The following MARCHF7 variants were observed in gnomAD, a reference collection of about 807,000 sequenced individuals.
MARCHF7 encodes the protein E3 ubiquitin-protein ligase MARCHF7.
Under a neutral mutation model 76.5 loss-of-function variants are expected in MARCHF7, and 20 were observed. That is an observed-to-expected ratio of 0.26 (90% confidence interval 0.18 to 0.38). The LOEUF (loss-of-function observed/expected upper bound fraction) is 0.38, where lower values mean the gene tolerates loss of function less well. MARCHF7 is among the 10% of genes least tolerant of loss of function. The probability of loss-of-function intolerance (pLI) is 1.00; values close to 1 mark genes in which losing one functional copy is unlikely to be tolerated. For missense variants in MARCHF7, 797 were observed against 812.9 expected (o/e 0.98, Z 0.24); for synonymous variants, 295 against 293.0 (o/e 1.01, Z -0.07).
Position 159,759,323 on chromosome 2 carries a change from T to C in MARCHF7, c.1881T>C (p.His627=), listed in dbSNP as rs1706717686. ...DFDIHELHRA[H]ANEQAEYEFI... The stretch of plus-strand genomic sequence containing the variant: ...ATATTCATGAACTACATAGAGCTCA[T>C]GCAAATGAACAAGTTAGTATATTTT... The change falls in exon 9 of 12, where the codon CAT becomes CAC. Residue 627 remains histidine (H), a synonymous_variant. Coordinates refer to ENST00000409175, the MANE Select transcript of MARCHF7 (RefSeq NM_001282805.2). 6.3e-7 allele frequency: 1 copy of C among 1,595,416 alleles called. No homozygotes were observed. The highest frequency in any genetic ancestry group is 1.3e-5 in the African/African-American group (1 of 74,400).
chr2:159,738,975 C>T (rs1409600629), intron 4 of MARCHF7, among the ~76,000 whole-genome samples: 1 of 152,232 alleles, frequency 6.6e-6, no homozygotes, highest in Non-Finnish European at 1.5e-5. Flanking sequence ...CTTGTTGGTG[C>T]CCAAAGTCCA....
At chr2:159,744,963 G>A (rs1704667763) in intron 5 of MARCHF7, among the ~76,000 whole-genome samples, 1 of 152,070 alleles carries the variant, frequency 6.6e-6, no homozygotes, top group Non-Finnish European at 1.5e-5. Flanking sequence ...TTGATTCTTA[G>A]AATTAAGAAT....
chr2:159,746,465 G>A (rs776228184), intron 6 of MARCHF7, among the ~76,000 whole-genome samples: 3 of 152,230 alleles, frequency 2.0e-5, no homozygotes, highest in Non-Finnish European at 4.4e-5. Flanking sequence ...GCAATGGCAC[G>A]ACGTCAGCTC....
chr2:159,759,817 C>T (rs1706801600), intron 9 of MARCHF7, among the ~76,000 whole-genome samples: 1 of 152,040 alleles, frequency 6.6e-6, no homozygotes, highest in Admixed American at 6.5e-5. Context: ...ACTTTTTGGC[C>T]AGGTACTACA....
At chr2:159,763,256 A>G (rs1462294841) in intron 10 of MARCHF7, among the ~76,000 whole-genome samples, 1 of 152,322 alleles carries the variant, frequency 6.6e-6, no homozygotes, top group East Asian at 1.9e-4. Flanking sequence ...TCATTGAAAA[A>G]CAGAATTGGA....
intron 4 of MARCHF7, among the ~76,000 whole-genome samples, chr2:159,729,437 G>A (rs945021597): frequency 2.0e-5 from 3 of 152,172 alleles, no homozygotes; most frequent in Non-Finnish European, 4.4e-5. Context: ...TTGGCAGGCT[G>A]AGACTGGCAG....
intron 11 of MARCHF7, 72 bp from the exon 12 acceptor site, chr2:159,767,212 G>C: frequency 9.4e-7 from 1 of 1,063,264 alleles, no homozygotes; most frequent in Non-Finnish European, 1.4e-6. Context: ...TTGCTGTTCT[G>C]GCTTCATATT....
chr2:159,753,714 G>T (rs942323622), intron 8 of MARCHF7, among the ~76,000 whole-genome samples: 1 of 152,180 alleles, frequency 6.6e-6, no homozygotes, highest in Non-Finnish European at 1.5e-5. Context: ...TGGATTTTTA[G>T]GGGGACAAGA....
At chr2:159,744,601 GT>G (rs1320009447) in intron 5 of MARCHF7, among the ~76,000 whole-genome samples, 1 of 152,244 alleles carries the variant, frequency 6.6e-6, no homozygotes, top group African/African-American at 2.4e-5. Context: ...TGTATTACCA[GT>G]TGAAGTAGTG....
At chr2:159,713,526 T>A (rs1257610716) in intron 1 of MARCHF7, among the ~76,000 whole-genome samples, 1 of 152,218 alleles carries the variant, frequency 6.6e-6, no homozygotes, top group Non-Finnish European at 1.5e-5. Context: ...TTTTTCTGAT[T>A]ACATGTTATT....
rs1708034667 is a variant in MARCHF7, at chr2:159,768,816, A to G, written c.*1474A>G. 1 of 152,208 alleles carries G rather than the reference A, an allele frequency of 6.6e-6. No homozygotes were observed. Among genetic ancestry groups the G allele is most frequent in the Admixed American group, 6.5e-5 (1 of 15,280 alleles). The allele number at this position is 152,208 out of a possible 1,614,324, so 9.4% of individuals were successfully genotyped here. A position where few individuals can be genotyped will look rare whatever the true frequency, so the allele number is the denominator to read the frequency against. The stretch of plus-strand genomic sequence containing the variant: ...AAGGGATGCTTTGAATTTGAAGTAT[A>G]TATACTTTTAATAAAATTCAGTATG... On this transcript the variant is annotated 3_prime_UTR_variant, in exon 12 of 12. Coordinates refer to ENST00000409175, the MANE Select transcript of MARCHF7 (RefSeq NM_001282805.2).
chr2:159,766,872 C>T (rs189319403), intron 11 of MARCHF7, among the ~76,000 whole-genome samples: 91 of 152,264 alleles, frequency 6.0e-4, no homozygotes, highest in East Asian at 1.9e-4. Flanking sequence ...TCATTCTCAT[C>T]GGATGCACCA....
At chr2:159,732,898 C>G (rs1702986059) in intron 4 of MARCHF7, 1 of 985,000 alleles carries the variant, frequency 1.0e-6, no homozygotes, top group African/African-American at 1.7e-5. Context: ...TTCATACAGC[C>G]ACATCTATAT....
At chr2:159,735,271 G>C (rs879355056) in intron 4 of MARCHF7, among the ~76,000 whole-genome samples, 8 of 152,216 alleles carry the variant, frequency 5.3e-5, no homozygotes, top group African/African-American at 1.9e-4. Context: ...GCTAGTTTCT[G>C]TTCCTGTGCA....
At chr2:159,732,327 A>AT (rs1702912870) in intron 4 of MARCHF7, among the ~76,000 whole-genome samples, 1 of 152,148 alleles carries the variant, frequency 6.6e-6, no homozygotes, top group Admixed American at 6.5e-5. Context: ...AAGATAAATT[A>AT]TTTTTATAAA....
chr2:159,750,344 C>G (rs950457723), intron 7 of MARCHF7, among the ~76,000 whole-genome samples: 2 of 152,146 alleles, frequency 1.3e-5, no homozygotes, highest in African/African-American at 4.8e-5. Context: ...GGCTAACATG[C>G]TGAAACCCTG....
intron 4 of MARCHF7, among the ~76,000 whole-genome samples, chr2:159,740,069 C>T (rs1703948281): frequency 6.6e-6 from 1 of 152,200 alleles, no homozygotes; most frequent in Non-Finnish European, 1.5e-5. Context: ...CTATTTCTCA[C>T]ATTGTCCCTA....
At chr2:159,731,833 A>G (rs910310925) in intron 4 of MARCHF7, among the ~76,000 whole-genome samples, 28 of 145,274 alleles carry the variant, frequency 1.9e-4, no homozygotes, top group Non-Finnish European at 3.7e-4. Context: ...AGCCGGGCAC[A>G]GTGGCTCACG....
Position 159,741,827 on chromosome 2 carries a change from C to T in MARCHF7, c.154-1234C>T, listed in dbSNP as rs77512990. 5.0e-3 allele frequency among the ~76,000 whole-genome samples: 768 copies of T among 152,180 alleles called. 9 individuals are homozygous for T. The highest frequency in any genetic ancestry group is 5.2e-3 in the Non-Finnish European group (354 of 67,978). On this transcript the variant is annotated intron_variant, in intron 4 of 11. Transcript: ENST00000409175. ...TTTTCTTTTATATCCTGAAAAATTA[C>T]TTTTATTTTAGAGGTCCTTACTGTC... is the stretch of plus-strand genomic sequence containing the variant.
Sources: gnomAD v4.1 joint callset for allele counts (sites outside exome capture counted in the v4.1 genomes callset) on GRCh38, gnomAD v4.1.1 for gene constraint, MANE v1.5 for transcripts, NCBI Gene and HGNC (gene_info 2026-07-23, HGNC 2026-07-21) for gene names.